The following MFN2 variants were observed in gnomAD, a reference collection of about 807,000 sequenced individuals.
MFN2 encodes the protein mitofusin 2, also known as mitofusin-2.
Under a neutral mutation model 87.5 loss-of-function variants are expected in MFN2, and 43 were observed. That is an observed-to-expected ratio of 0.49 (90% CI 0.38 to 0.63). MFN2 has a LOEUF of 0.63. Among genes scored for constraint, MFN2 ranks in the 30% least tolerant of loss-of-function variants. MFN2 has a pLI of 0.00. For missense variants in MFN2, 743 were observed against 972.8 expected, an observed-to-expected ratio of 0.76 and a Z score of 3.14; for synonymous variants, 337 against 359.9, an observed-to-expected ratio of 0.94 and a Z score of 0.72.
chr1:12,000,591 G>A (rs1434885869), intron 8 of MFN2, among the ~76,000 whole-genome samples: 1 of 152,160 alleles, frequency 6.6e-6, no homozygotes, highest in Admixed American at 6.5e-5. Flanking sequence ...CTTGTTGAGA[G>A]GATGAAATCT....
chr1:11,989,374 T>C (rs532890270), intron 3 of MFN2, 31 bp downstream of exon 3: 1 of 1,611,158 alleles, frequency 6.2e-7, no homozygotes, highest in Non-Finnish European at 8.5e-7. Context: ...CCAGGCCCGC[T>C]CTTACCTGTT....
At chr1:11,997,571 C>G (rs963885723) in intron 6 of MFN2, 150 bp downstream of exon 6, 1 of 1,066,454 alleles carries the variant, frequency 9.4e-7, no homozygotes, top group Admixed American at 2.0e-5. Context: ...CCTCTGGCCT[C>G]TTGGCTTTCC....
intron 2 of MFN2, among the ~76,000 whole-genome samples, chr1:11,987,773 C>A (rs1489949660): frequency 6.6e-6 from 1 of 151,834 alleles, no homozygotes; most frequent in Non-Finnish European, 1.5e-5. Flanking sequence ...CATAAGAAGA[C>A]CCTGTCTCTA....
At chr1:11,997,203 A>C in intron 5 of MFN2, 94 bp from the exon 6 acceptor site, 1 of 1,585,690 alleles carries the variant, frequency 6.3e-7, no homozygotes, top group Non-Finnish European at 8.6e-7. Flanking sequence ...GATGGGCAGC[A>C]TTCCCAGCCA....
At chr1:11,983,350 C>T (rs1023630344) in intron 2 of MFN2, among the ~76,000 whole-genome samples, 1 of 152,184 alleles carries the variant, frequency 6.6e-6, no homozygotes, top group Non-Finnish European at 1.5e-5. Flanking sequence ...GGATTACAGG[C>T]GTGAGCCACC....
Position 11,996,490 on chromosome 1 carries a change from C to T in MFN2, c.474+172C>T, listed in dbSNP as rs562826143. Among the ~76,000 whole-genome samples the T allele has an allele frequency of 3.9e-4, 59 of 152,226 alleles. No individual in the cohort carries two copies. The South Asian group carries it at 5.4e-3, about 14-fold the overall frequency. On this transcript the variant is annotated intron_variant, in intron 5 of 18. Transcript: ENST00000235329. ...GGATGTAAGAGCTTTTGGGGGCTGG[C>T]GGAGGTGGTTTTCAGAAACGTGGAT...
At chr1:11,987,625 G>C (rs1308570409) in intron 2 of MFN2, among the ~76,000 whole-genome samples, 6 of 70,740 alleles carry the variant, frequency 8.5e-5, no homozygotes, top group Non-Finnish European at 1.4e-4. Flanking sequence ...GCAAGACTCT[G>C]TCTCAGAAAA....
At chr1:11,991,639 T>TAG (rs1293580589) in intron 3 of MFN2, among the ~76,000 whole-genome samples, 2 of 152,026 alleles carry the variant, frequency 1.3e-5, no homozygotes, top group Non-Finnish European at 2.9e-5. Flanking sequence ...AGAAGTGACA[T>TAG]AGAGGCCGGG....
chr1:11,993,604 G>A (rs532098343), intron 4 of MFN2, among the ~76,000 whole-genome samples: 6 of 151,818 alleles, frequency 4.0e-5, no homozygotes, highest in African/African-American at 1.5e-4. Flanking sequence ...GTGAGGTGGC[G>A]GGCGCCTGTA....
rs1047999570 is a variant in MFN2 at position 12,007,269 on chromosome 1, C to T, written c.2069+20C>T. 7.4e-6 allele frequency: 12 copies of T among 1,611,690 alleles called. No homozygotes were observed. The highest frequency in any genetic ancestry group is 5.5e-5 in the South Asian group (5 of 90,764). On this transcript the variant is annotated intron_variant, in intron 17 of 18. Coordinates refer to ENST00000235329, the MANE Select transcript of MFN2 (RefSeq NM_014874.4). The stretch of plus-strand genomic sequence containing the variant: ...CCAGCAGTGAGTGGCCCTGTCGGAC[C>T]CCAGCAGGGGACTTCCTTTAGGCAG...
In MFN2 at chr1:12,003,699, G is replaced by A. The variant is rs1249248290; in HGVS notation, c.1161-293G>A. Among the ~76,000 whole-genome samples, 1 of 151,986 alleles carries A rather than the reference G, an allele frequency of 6.6e-6. No homozygotes were observed. The highest frequency in any genetic ancestry group is 1.5e-5 in the Non-Finnish European group (1 of 68,008). On this transcript the variant is annotated intron_variant, in intron 11 of 18. Transcript: ENST00000235329. The surrounding 1 kb of genome is among the most constrained non-coding windows in gnomAD (Gnocchi z 4.1). ...AAAAAAATCATTTCTGTGATTACTAGTGAGGTTGAGCTTTTTTCCCTATAT... is the reference window on the plus strand; with the variant it reads ...AAAAAAATCATTTCTGTGATTACTAATGAGGTTGAGCTTTTTTCCCTATAT...
intron 18 of MFN2, 120 bp from the exon 19 acceptor site, chr1:12,011,376 C>T (rs3766741): frequency 1.1e-5 from 12 of 1,046,816 alleles, no homozygotes; most frequent in African/African-American, 6.3e-5. Flanking sequence ...GGGATAAACA[C>T]GATTGTTGGA....
At chr1:11,998,026 G>GGC (rs1638994369) in intron 6 of MFN2, among the ~76,000 whole-genome samples, 1 of 151,018 alleles carries the variant, frequency 6.6e-6, no homozygotes, top group Non-Finnish European at 1.5e-5. Context: ...TGGGATTACA[G>GGC]GTGCCCGCCA....
At position 12,004,282 on chromosome 1, in the gene MFN2, T is replaced by C. The variant is rs1639304847; in HGVS notation, c.1287+164T>C. Reference sequence around the variant, plus strand: ...GTTTGGGTTCCATTGTCGGGTTGTGTGATGCTGGGCATGTTCCCTTTCCTC... The same window carrying C: ...GTTTGGGTTCCATTGTCGGGTTGTGCGATGCTGGGCATGTTCCCTTTCCTC... On this transcript the variant is annotated intron_variant, in intron 12 of 18. Coordinates refer to ENST00000235329, the MANE Select transcript of MFN2 (RefSeq NM_014874.4). This position sits in a 1 kb window ranked among gnomAD's most constrained non-coding sequence, Gnocchi z 4.2. Among the ~76,000 whole-genome samples, 1 of 152,146 alleles carries C rather than the reference T, an allele frequency of 6.6e-6. No individual in the cohort carries two copies. Among genetic ancestry groups the C allele is most frequent in the African/African-American group, 2.4e-5 (1 of 41,434 alleles).
Position 12,007,156 on chromosome 1 carries a change from G to A in MFN2, c.1976G>A (p.Arg659Lys), listed in dbSNP as rs863224063. Residue 659 changes from arginine (R) to lysine (K), a missense_variant, in exon 17 of 19, where the codon AGG becomes AAG. By Grantham distance (26) the Arg-to-Lys change is conservative. This residue lies in a region of MFN2 where 571 missense variants were observed against 670.7 expected (regional missense o/e 0.85). Transcript: ENST00000235329. ...RLTWTTKAKE[R>K]AFKRQFVEHA... ...ACCTGGACCACCAAGGCCAAGGAGAGGGCCTTCAAGCGCCAGTTTGTGGAG... is the reference window on the plus strand; with the variant it reads ...ACCTGGACCACCAAGGCCAAGGAGAAGGCCTTCAAGCGCCAGTTTGTGGAG... The A allele has an allele frequency of 6.2e-6, 10 of 1,614,092 alleles. No individual in the cohort carries two copies. The highest frequency in any genetic ancestry group is 1.3e-5 in the African/African-American group (1 of 74,948).
In MFN2 at chr1:12,011,550, G is replaced by A. The variant is rs1045537458; in HGVS notation, c.2259G>A (p.Leu753=). Residue 753 remains leucine (L), a synonymous_variant, in exon 19 of 19, where the codon CTG becomes CTA. Transcript: ENST00000235329. ...SELNMFTHQY[L]QPSR ...TCAACATGTTCACACACCAGTACCT[G>A]CAGCCCAGCAGATAGTGGGCACCTG... The A allele has an allele frequency of 8.1e-6, 13 of 1,614,006 alleles. No homozygotes were observed. The African/African-American group carries it at 1.2e-4, about 15-fold the overall frequency.
At chr1:12,009,839 G>A (rs940311283) in intron 18 of MFN2, 113 bp downstream of exon 18, 10 of 1,491,080 alleles carry the variant, frequency 6.7e-6, no homozygotes, top group Non-Finnish European at 9.2e-6. Context: ...TTCTGGTGGG[G>A]ATTTAGCTCA....
chr1:11,997,976 C>T (rs749936706), intron 6 of MFN2, among the ~76,000 whole-genome samples: 5 of 147,482 alleles, frequency 3.4e-5, no homozygotes, highest in East Asian at 2.0e-4. Context: ...CTCCGCCTCC[C>T]GGGTTCAAGT....
chr1:12,007,092 T>C lies in MFN2; in HGVS notation c.1912T>C (p.Phe638Leu), dbSNP rs773802724. ...GGGCTGGCGGCTCATTGCCCTCTCC[T>C]TTGGGCTCTATGGCCTCCTCTACGT... ...AVGWRLIALS[F>L]GLYGLLYVYE... Residue 638 changes from phenylalanine (F) to leucine (L), a missense_variant, in exon 17 of 19, where the codon TTT becomes CTT. By Grantham distance (22) the Phe-to-Leu change is conservative. This residue lies in a region of MFN2 where 571 missense variants were observed against 670.7 expected (regional missense o/e 0.85). Transcript: ENST00000235329. 2.5e-6 allele frequency: 4 copies of C among 1,614,134 alleles called. No individual in the cohort carries two copies. Among genetic ancestry groups the C allele is most frequent in the Non-Finnish European group, 3.4e-6 (4 of 1,180,024 alleles).
Sources: gnomAD v4.1 joint callset for allele counts (sites outside exome capture counted in the v4.1 genomes callset) on GRCh38, gnomAD v4.1.1 for gene constraint, gnomAD v4.1.1 regional missense constraint, Gnocchi (gnomAD v3.1) non-coding constraint, MANE v1.5 for transcripts, NCBI Gene and HGNC (gene_info 2026-07-23, HGNC 2026-07-21) for gene names.